Variants in DMBT1 observed in about 807,000 individuals in gnomAD.
DMBT1 encodes the protein scavenger receptor cysteine-rich domain-containing protein DMBT1.
A neutral mutation model predicts 252.9 loss-of-function variants in DMBT1; 198 were observed. The observed-to-expected ratio is 0.78, with a 90% CI of 0.70 to 0.88. The LOEUF is 0.88. Ranked by LOEUF, DMBT1 falls within the 40% of genes least tolerant of loss-of-function variation. DMBT1 has a pLI of 0.00. For missense variants in DMBT1, 2,432 were observed against 2,404.7 expected (o/e 1.01, Z -0.24); for synonymous variants, 990 against 942.7 (o/e 1.05, Z -0.92).
chr10:122,636,997 A>G, intron 53 of DMBT1, 131 bp from the exon 54 acceptor site: 1 of 785,308 alleles, frequency 1.3e-6, no homozygotes. Context: ...CTATGCCCAC[A>G]TCCTAAGTGC....
intron 40 of DMBT1, among the ~76,000 whole-genome samples, chr10:122,617,749 A>C (rs990221100): frequency 1.3e-5 from 2 of 151,596 alleles, no homozygotes; most frequent in Non-Finnish European, 2.9e-5. Context: ...GTGTGTGCCC[A>C]GAGTAGGGAG....
rs76865381 is a variant in DMBT1 at position 122,566,958 on chromosome 10, C to T, written c.91+962C>T. Among the ~76,000 whole-genome samples, 839 of 152,336 alleles carry T rather than the reference C, an allele frequency of 5.5e-3. 48 individuals are homozygous for T. The East Asian group carries it at 0.13, about 24-fold the overall frequency. On this transcript the variant is annotated intron_variant, in intron 2 of 55. Coordinates refer to ENST00000338354, the MANE Select transcript of DMBT1 (RefSeq NM_001377530.1). ...AGAGATTTGAGGCTAGGATGGGTGC[C>T]TCCTCTTACCCCTGCCCTGGTCTTT...
rs367835325 is a variant in DMBT1, at chr10:122,633,298, G to A, written c.6505G>A (p.Val2169Met). Residue 2169 changes from valine to methionine, a missense_variant, in exon 52 of 56, where the codon GTG (valine) becomes ATG (methionine). Val to Met is a conservative substitution (Grantham distance 21). Transcript: ENST00000338354. The part of the protein sequence containing the change: ...NNAKCVWDIE[V>M]QNNYRVTVIF... ...TGCCAAGTGTGTGTGGGACATTGAG[G>A]TGCAAAACAACTACCGTGTGACTGT... 1.4e-4 allele frequency: 225 copies of A among 1,613,968 alleles called. 2 individuals carry two copies. The South Asian group carries it at 2.0e-3, about 14-fold the overall frequency.
chr10:122,568,307 G>T (rs1225471726), intron 2 of DMBT1, among the ~76,000 whole-genome samples: 1 of 152,130 alleles, frequency 6.6e-6, no homozygotes, highest in African/African-American at 2.4e-5. Context: ...GAAAATGCTG[G>T]TCTAGAGCTC....
In DMBT1 at chr10:122,572,375, TG is replaced by T; in HGVS notation, c.235+19del. Reference sequence around the variant, plus strand: ...CCGTAGCAGAAGGTAACGTCTACTATGGGGGAGCTCTATGGGCTCATTACCC... The same window carrying T: ...CCGTAGCAGAAGGTAACGTCTACTATGGGGAGCTCTATGGGCTCATTACCC... On this transcript the variant is annotated intron_variant, in intron 5 of 55. Coordinates refer to ENST00000338354, the MANE Select transcript of DMBT1 (RefSeq NM_001377530.1). The T allele has an allele frequency of 6.2e-7, 1 of 1,612,568 alleles. No individual in the cohort carries two copies.
chr10:122,564,903 A>T (rs1023458823), intron 1 of DMBT1, among the ~76,000 whole-genome samples: 3 of 152,134 alleles, frequency 2.0e-5, no homozygotes, highest in African/African-American at 7.2e-5. Flanking sequence ...GGTTCATCTA[A>T]TTATTGCAGA....
chr10:122,639,937 G>A, intron 54 of DMBT1, 103 bp from the exon 55 acceptor site: 2 of 1,376,578 alleles, frequency 1.5e-6, no homozygotes, highest in Non-Finnish European at 2.0e-6. Flanking sequence ...AGGGGTGGAA[G>A]TCTTGTTGAG....
intron 3 of DMBT1, among the ~76,000 whole-genome samples, chr10:122,570,618 G>A (rs1385164942): frequency 6.6e-6 from 1 of 152,232 alleles, no homozygotes. Context: ...GGATGGGGCT[G>A]TGAATAGACT....
chr10:122,600,053 C>T lies in DMBT1; in HGVS notation c.3281-11C>T, dbSNP rs1322014132. 1 of 1,607,898 alleles carries T rather than the reference C, an allele frequency of 6.2e-7. No individual in the cohort carries two copies. Among genetic ancestry groups the T allele is most frequent in the Non-Finnish European group, 8.5e-7 (1 of 1,178,372 alleles). On this transcript the variant is annotated splice_polypyrimidine_tract_variant and intron_variant, in intron 26 of 55. Transcript: ENST00000338354. ...TGTTCCTGATCTGACCTTCTCTTCTCTTTCTCACAGCTTCCCAGTCCCGGC... is the reference window on the plus strand; with the variant it reads ...TGTTCCTGATCTGACCTTCTCTTCTTTTTCTCACAGCTTCCCAGTCCCGGC...
chr10:122,619,346 C>T lies in DMBT1; in HGVS notation c.5245+9C>T, dbSNP rs777669443. 2 of 1,613,986 alleles carry T rather than the reference C, an allele frequency of 1.2e-6. No homozygotes were observed. Among genetic ancestry groups the T allele is most frequent in the African/African-American group, 1.3e-5 (1 of 75,050 alleles). ...GTCAACGCCCAGGCCAGGTGAGTCCCCAGCATCCTTCATCGGGATGTCCCT... is the reference window on the plus strand; with the variant it reads ...GTCAACGCCCAGGCCAGGTGAGTCCTCAGCATCCTTCATCGGGATGTCCCT... On this transcript the variant is annotated intron_variant, in intron 42 of 55. Transcript: ENST00000338354.
rs377299665 is a variant in DMBT1, at chr10:122,576,477, G to C, written c.362G>C (p.Gly121Ala). 11 of 1,613,892 alleles carry C rather than the reference G, an allele frequency of 6.8e-6. No individual in the cohort carries two copies. Among genetic ancestry groups the C allele is most frequent in the Non-Finnish European group, 9.3e-6 (11 of 1,179,896 alleles). The change falls in exon 7 of 56, where the codon GGC becomes GCC. Residue 121 changes from glycine to alanine, a missense_variant. Gly to Ala is a moderately conservative substitution (Grantham distance 60). Around this residue, in one of 3 missense-constraint regions of DMBT1, gnomAD observed 1,264 missense variants for 1,082.2 expected, o/e 1.17. Coordinates refer to ENST00000338354, the MANE Select transcript of DMBT1 (RefSeq NM_001377530.1). ...CQGRVEILYR[G>A]SWGTVCDDSW... The stretch of plus-strand genomic sequence containing the variant: ...GGCCGAGTGGAGATCCTATACCGAG[G>C]CTCCTGGGGCACCGTGTGTGATGAC...
intron 14 of DMBT1, 133 bp from the exon 15 acceptor site, chr10:122,585,138 C>T: frequency 8.2e-7 from 1 of 1,222,800 alleles, no homozygotes; most frequent in Non-Finnish European, 1.2e-6. Context: ...CTTGGGCAGA[C>T]ACATGGGGAG....
intron 26 of DMBT1, among the ~76,000 whole-genome samples, 172 bp downstream of exon 26, chr10:122,599,269 G>T (rs2133607077): frequency 6.6e-6 from 1 of 152,310 alleles, no homozygotes; most frequent in South Asian, 2.1e-4. Context: ...TAGTGTTCCT[G>T]TGGTCACTTA....
At position 122,617,247 on chromosome 10, in the gene DMBT1, T is replaced by C. The variant is rs990763661; in HGVS notation, c.4878T>C (p.Arg1626=). Residue 1626 remains arginine (R), a synonymous_variant, in exon 40 of 56, where the codon CGT becomes CGC. Transcript: ENST00000338354. The part of the protein sequence containing the change: ...TPSPDTWPTS[R]ASTAGSESTL... ...TTACAGACACTTGGCCAACCTCTCGTGCATCAACAGCAGGTAAACAATCCT... is the reference window on the plus strand; with the variant it reads ...TTACAGACACTTGGCCAACCTCTCGCGCATCAACAGCAGGTAAACAATCCT... 6.2e-7 allele frequency: 1 copy of C among 1,609,826 alleles called. No individual in the cohort carries two copies. Among genetic ancestry groups the C allele is most frequent in the African/African-American group, 1.3e-5 (1 of 74,268 alleles).
chr10:122,580,800 C>T, intron 10 of DMBT1, 66 bp from the exon 11 acceptor site: 1 of 1,591,890 alleles, frequency 6.3e-7, no homozygotes, highest in Non-Finnish European at 8.6e-7. Flanking sequence ...TCTTTCCCTC[C>T]TCGTTCCAGT....
chr10:122,617,376 G>C, intron 40 of DMBT1, 116 bp downstream of exon 40: 1 of 1,308,492 alleles, frequency 7.6e-7, no homozygotes, highest in East Asian at 2.6e-5. Flanking sequence ...CCTGTGGGTT[G>C]GGTGGGAGGA....
intron 1 of DMBT1, among the ~76,000 whole-genome samples, chr10:122,562,406 G>A (rs1262809936): frequency 6.6e-6 from 1 of 152,268 alleles, no homozygotes. Flanking sequence ...AGGTGGTAGG[G>A]AGCAGGCCCA....
At chr10:122,625,892 T>A in intron 45 of DMBT1, 41 bp from the exon 46 acceptor site, 1 of 1,552,430 alleles carries the variant, frequency 6.4e-7, no homozygotes, top group Non-Finnish European at 8.9e-7. Context: ...AATGGAAAAA[T>A]TATCTACTAA....
intron 45 of DMBT1, 136 bp downstream of exon 45, chr10:122,625,439 G>C: frequency 1.1e-6 from 1 of 874,670 alleles, no homozygotes; most frequent in East Asian, 2.6e-5. Flanking sequence ...CTTTGTTAGG[G>C]TGACGAGCTG....
Sources: allele counts gnomAD v4.1 joint callset (sites outside exome capture counted in the v4.1 genomes callset), GRCh38; gene constraint gnomAD v4.1.1; regional missense constraint gnomAD v4.1.1; transcripts MANE v1.5; gene names NCBI Gene and HGNC (gene_info 2026-07-23, HGNC 2026-07-21).